Variants in MIS18BP1 observed in about 807,000 individuals in gnomAD.
MIS18BP1 encodes mis18-binding protein 1.
MIS18BP1 carries 72 observed loss-of-function variants against 116.1 expected under a neutral mutation model. The ratio of observed to expected loss-of-function variants is 0.62; its 90% CI spans 0.51 to 0.75. The LOEUF (loss-of-function observed/expected upper bound fraction) is 0.75. Among genes scored for constraint, MIS18BP1 ranks in the 30% least tolerant of loss-of-function variants. The pLI, the probability that MIS18BP1 is intolerant of heterozygous loss-of-function variation, is 0.00. For synonymous variants in MIS18BP1, 386 were observed against 427.0 expected, an observed-to-expected ratio of 0.90 and a Z score of 1.18; for missense variants, 1,363 against 1,303.2, an observed-to-expected ratio of 1.05 and a Z score of -0.71.
chr14:45,249,187 G>T (rs1331672140), intron 1 of MIS18BP1, among the ~76,000 whole-genome samples: 1 of 152,126 alleles, frequency 6.6e-6, no homozygotes, highest in Non-Finnish European at 1.5e-5. Context: ...CACCTCATGG[G>T]TTCAAGCAAT....
At chr14:45,220,369 G>C (rs566893503) in intron 11 of MIS18BP1, among the ~76,000 whole-genome samples, 1 of 152,204 alleles carries the variant, frequency 6.6e-6, no homozygotes, top group East Asian at 1.9e-4. Flanking sequence ...TATTGATATA[G>C]TTTAAATATG....
chr14:45,250,182 C>G (rs369829117), intron 1 of MIS18BP1: 2 of 152,164 alleles, frequency 1.3e-5, no homozygotes, highest in South Asian at 2.1e-4. Context: ...AGCCAAGATT[C>G]TGAAAAAATC....
chr14:45,210,337 C>T (rs1370638326), intron 14 of MIS18BP1, 43 bp downstream of exon 14: 1 of 1,589,822 alleles, frequency 6.3e-7, no homozygotes, highest in Non-Finnish European at 8.6e-7. Flanking sequence ...TTCCTCACTA[C>T]TCTGATGCAG....
chr14:45,207,872 G>C (rs1890562703), intron 14 of MIS18BP1, among the ~76,000 whole-genome samples: 1 of 152,142 alleles, frequency 6.6e-6, no homozygotes, highest in Admixed American at 6.5e-5. Context: ...AAAAGTTTCA[G>C]ACAATATAGA....
chr14:45,230,134 G>A (rs1275397371), intron 8 of MIS18BP1, among the ~76,000 whole-genome samples: 1 of 152,176 alleles, frequency 6.6e-6, no homozygotes, highest in Non-Finnish European at 1.5e-5. Flanking sequence ...AGTTTTGGAA[G>A]TTCTGTAAAG....
intron 6 of MIS18BP1, 33 bp downstream of exon 6, chr14:45,235,781 T>TA: frequency 6.4e-7 from 1 of 1,558,332 alleles, no homozygotes; most frequent in Non-Finnish European, 8.7e-7. Context: ...CTTTACTTCT[T>TA]AAAATAACTT....
chr14:45,242,693 A>T, intron 3 of MIS18BP1, 68 bp downstream of exon 3: 2 of 1,476,060 alleles, frequency 1.4e-6, no homozygotes, highest in Non-Finnish European at 1.8e-6. Context: ...ACACAAGGAA[A>T]GTAATTACCT....
intron 13 of MIS18BP1, among the ~76,000 whole-genome samples, chr14:45,212,070 AC>A (rs999380473): frequency 1.3e-5 from 2 of 151,970 alleles, no homozygotes; most frequent in Non-Finnish European, 2.9e-5. Context: ...TATTTGTGGC[AC>A]CCTCAGGGCT....
At chr14:45,220,932 C>G (rs760093073) in intron 11 of MIS18BP1, among the ~76,000 whole-genome samples, 63 of 151,958 alleles carry the variant, frequency 4.1e-4, no homozygotes, top group Non-Finnish European at 4.9e-4. Flanking sequence ...GTCAGGAGTT[C>G]GAGACCAGCC....
At chr14:45,249,258 A>G (rs1891805512) in intron 1 of MIS18BP1, among the ~76,000 whole-genome samples, 1 of 151,968 alleles carries the variant, frequency 6.6e-6, no homozygotes, top group Admixed American at 6.6e-5. Context: ...CACCCGGCTA[A>G]TTTTTGTATT....
intron 13 of MIS18BP1, among the ~76,000 whole-genome samples, chr14:45,212,590 T>G (rs939812367): frequency 6.6e-6 from 1 of 152,076 alleles, no homozygotes; most frequent in Non-Finnish European, 1.5e-5. Context: ...ACACCTAAAA[T>G]TGGTGATCAG....
At chr14:45,214,956 G>A (rs1890775650) in intron 13 of MIS18BP1, among the ~76,000 whole-genome samples, 1 of 152,082 alleles carries the variant, frequency 6.6e-6, no homozygotes, top group African/African-American at 2.4e-5. Flanking sequence ...TCACCATGTT[G>A]GCCAGACTGG....
intron 11 of MIS18BP1, among the ~76,000 whole-genome samples, chr14:45,222,878 A>G (rs1163357427): frequency 1.3e-5 from 2 of 152,182 alleles, no homozygotes; most frequent in Non-Finnish European, 2.9e-5. Context: ...ATTTTTGTCC[A>G]GTACCAAGCA....
chr14:45,217,265 A>G, intron 12 of MIS18BP1, 86 bp from the exon 13 acceptor site: 1 of 1,443,970 alleles, frequency 6.9e-7, no homozygotes, highest in Admixed American at 2.2e-5. Flanking sequence ...CAAAGTCTAA[A>G]TTGTGCATTC....
chr14:45,248,055 G>GTTTTTTTTTTT (rs3036381), intron 1 of MIS18BP1, among the ~76,000 whole-genome samples: 6 of 109,214 alleles, frequency 5.5e-5, no homozygotes, highest in African/African-American at 6.8e-5. Context: ...TGTTTCTTTC[G>GTTTTTTTTTTT]TTTTTTTTTT....
intron 15 of MIS18BP1, among the ~76,000 whole-genome samples, chr14:45,205,761 C>G (rs905101992): frequency 1.5e-4 from 23 of 152,158 alleles, no homozygotes; most frequent in Non-Finnish European, 2.6e-4. Flanking sequence ...AATCCTTGAA[C>G]AGGATTGTTT....
At chr14:45,214,543 C>CAGCAGGGGGCCTT (rs966291734) in intron 13 of MIS18BP1, among the ~76,000 whole-genome samples, 1 of 152,146 alleles carries the variant, frequency 6.6e-6, no homozygotes, top group African/African-American at 2.4e-5. Flanking sequence ...CCCGGGGCCT[C>CAGCAGGGGGCCTT]AGCAGGGGGC....
chr14:45,225,028 T>C (rs1327252909), intron 10 of MIS18BP1, among the ~76,000 whole-genome samples: 23 of 152,138 alleles, frequency 1.5e-4, no homozygotes, highest in Non-Finnish European at 1.5e-5. Context: ...TTCCACATAG[T>C]TCCAATCTCT....
intron 1 of MIS18BP1, among the ~76,000 whole-genome samples, chr14:45,252,340 A>T (rs1443531441): frequency 1.3e-5 from 2 of 152,282 alleles, no homozygotes; most frequent in African/African-American, 2.4e-5. Context: ...ATGGAAAAGT[A>T]TCCAAGAAAC....
Sources: gnomAD v4.1 joint callset for allele counts (sites outside exome capture counted in the v4.1 genomes callset) on GRCh38, gnomAD v4.1.1 for gene constraint, MANE v1.5 for transcripts, NCBI Gene and HGNC (gene_info 2026-07-23, HGNC 2026-07-21) for gene names.